Variants in CFHR4 observed in about 807,000 individuals in gnomAD.
CFHR4 encodes the protein complement factor H-related protein 4.
Under a neutral mutation model 69.3 loss-of-function variants are expected in CFHR4, and 64 were observed. The ratio of observed to expected loss-of-function variants is 0.92; its 90% CI spans 0.76 to 1.14. CFHR4 has a LOEUF of 1.14. Ranked by LOEUF, CFHR4 falls within the 50% of genes most tolerant of loss-of-function variation. The pLI, the probability that CFHR4 is intolerant of heterozygous loss-of-function variation, is 0.00. For synonymous variants in CFHR4, 244 were observed against 237.0 expected (o/e 1.03, Z -0.27); for missense variants, 636 against 684.9 (o/e 0.93, Z 0.80).
chr1:196,907,895 C>T (rs1034771637), intron 5 of CFHR4, among the ~76,000 whole-genome samples: 1 of 151,138 alleles, frequency 6.6e-6, no homozygotes, highest in Non-Finnish European at 1.5e-5. Flanking sequence ...GGATGTGGAA[C>T]CAACCCAAAT....
At chr1:196,900,532 T>C (rs888514192) in intron 1 of CFHR4, among the ~76,000 whole-genome samples, 5 of 151,268 alleles carry the variant, frequency 3.3e-5, no homozygotes, top group African/African-American at 4.9e-5. Context: ...CATCATGAGA[T>C]AGATAACTAT....
At position 196,910,494 on chromosome 1, in the gene CFHR4, TACA is replaced by T. The variant is rs753844236; in HGVS notation, c.997+21_997+23del. 4 of 1,593,956 alleles carry T rather than the reference TACA, an allele frequency of 2.5e-6. No homozygotes were observed. The highest frequency in any genetic ancestry group is 3.4e-6 in the Non-Finnish European group (4 of 1,163,866). On this transcript the variant is annotated intron_variant, in intron 6 of 9. Coordinates refer to ENST00000608469, the MANE Select transcript of CFHR4 (RefSeq NM_001201550.3). The stretch of plus-strand genomic sequence containing the variant: ...CCATGCCTCAGTAAGCAAACCTCTT[TACA>T]ACAATATGTGCATAAAACTTGCAAA...
rs1658119874 is a variant in CFHR4 at position 196,909,521 on chromosome 1, T to C, written c.800-760T>C. Among the ~76,000 whole-genome samples the C allele has an allele frequency of 2.6e-5, 4 of 151,676 alleles. No individual in the cohort carries two copies. The South Asian group carries it at 8.3e-4, about 31-fold the overall frequency. ...TGTATTGAAGAGATCTTAAAAATTT[T>C]TGGATTTCAAAAGTGATATGTACTA... On this transcript the variant is annotated intron_variant, in intron 5 of 9. Coordinates refer to ENST00000608469, the MANE Select transcript of CFHR4 (RefSeq NM_001201550.3).
chr1:196,888,327 C>A, intron 1 of CFHR4, 119 bp downstream of exon 1: 1 of 914,510 alleles, frequency 1.1e-6, no homozygotes, highest in South Asian at 1.6e-5. Flanking sequence ...ACTATGCTAG[C>A]AGAAGTAGCA....
At chr1:196,893,074 T>A (rs1657115677) in intron 1 of CFHR4, among the ~76,000 whole-genome samples, 1 of 151,706 alleles carries the variant, frequency 6.6e-6, no homozygotes, top group Non-Finnish European at 1.5e-5. Context: ...ACTGCGTGGT[T>A]CACCCACCAA....
At chr1:196,897,698 CTCTT>C (rs1159660156) in intron 1 of CFHR4, among the ~76,000 whole-genome samples, 1 of 151,450 alleles carries the variant, frequency 6.6e-6, no homozygotes, top group Non-Finnish European at 1.5e-5. Flanking sequence ...CTGCTCTTCT[CTCTT>C]TCTCTGCTGC....
intron 6 of CFHR4, among the ~76,000 whole-genome samples, chr1:196,911,874 G>A (rs1658286644): frequency 6.6e-6 from 1 of 151,512 alleles, no homozygotes; most frequent in African/African-American, 2.4e-5. Flanking sequence ...GAGGCTGGAG[G>A]AGATTAATAG....
rs1658787968 is a variant in CFHR4, at chr1:196,918,457, T to C, written c.*51T>C. ...GTCCAACTTCCACTTCTCACTCTTA[T>C]GGTCTCAAAGCTTGCAAAGATAGCT... On this transcript the variant is annotated 3_prime_UTR_variant, in exon 10 of 10. Coordinates refer to ENST00000608469, the MANE Select transcript of CFHR4 (RefSeq NM_001201550.3). The C allele has an allele frequency of 2.0e-6, 3 of 1,522,162 alleles. No individual in the cohort carries two copies. Among genetic ancestry groups the C allele is most frequent in the Non-Finnish European group, 2.7e-6 (3 of 1,099,210 alleles). The allele number at this position is 1,522,162 out of a possible 1,614,324, so 94.3% of individuals were successfully genotyped here. A position where few individuals can be genotyped will look rare whatever the true frequency, so the allele number is the denominator to read the frequency against.
rs1375370904 is a variant in CFHR4 at position 196,905,260 on chromosome 1, A to G, written c.409A>G (p.Asn137Asp). The G allele has an allele frequency of 1.2e-6, 2 of 1,611,488 alleles. No homozygotes were observed. Among genetic ancestry groups the G allele is most frequent in the South Asian group, 2.2e-5 (2 of 90,866 alleles). The change falls in exon 3 of 10, where the codon AAT (asparagine) becomes GAT (aspartate). Residue 137 changes from asparagine to aspartate, a missense_variant. This residue lies in a region of CFHR4 where 529 missense variants were observed against 533.2 expected (regional missense o/e 0.99). Coordinates refer to ENST00000608469, the MANE Select transcript of CFHR4 (RefSeq NM_001201550.3). Reference protein sequence around the residue: ...NSSGSITCLQNGWSTQPICIK... With the variant: ...NSSGSITCLQDGWSTQPICIK... ...TTCAGGATCAATTACATGTTTGCAA[A>G]ATGGATGGTCAACACAACCAATTTG... is the stretch of plus-strand genomic sequence containing the variant.
chr1:196,914,014 A>G (rs1416426900), intron 7 of CFHR4, among the ~76,000 whole-genome samples: 2 of 151,522 alleles, frequency 1.3e-5, no homozygotes, highest in African/African-American at 4.9e-5. Context: ...TAAAACTTGT[A>G]AAATAAAAGA....
At chr1:196,902,185 A>T (rs1018245624) in intron 1 of CFHR4, among the ~76,000 whole-genome samples, 3 of 151,454 alleles carry the variant, frequency 2.0e-5, no homozygotes, top group African/African-American at 7.3e-5. Flanking sequence ...CAGGGCTACG[A>T]TATATGTACT....
chr1:196,904,492 T>C (rs555437304), intron 2 of CFHR4, among the ~76,000 whole-genome samples: 24 of 151,672 alleles, frequency 1.6e-4, no homozygotes, highest in African/African-American at 5.8e-4. Context: ...TACCCATTAG[T>C]AATGTATAGA....
rs182624281 is a variant in CFHR4, at chr1:196,915,868, T to C, written c.1540+730T>C. The stretch of plus-strand genomic sequence containing the variant: ...CTGAGGTAGAGTTTTCAAACAGTTA[T>C]GAAAACACTGTTTCAAAAAACCACG... On this transcript the variant is annotated intron_variant, in intron 9 of 9. Coordinates refer to ENST00000608469, the MANE Select transcript of CFHR4 (RefSeq NM_001201550.3). Among the ~76,000 whole-genome samples the C allele has an allele frequency of 3.3e-3, 499 of 151,548 alleles. 17 individuals are homozygous for C. Among genetic ancestry groups the C allele is most frequent in the African/African-American group, 0.011 (465 of 41,172 alleles).
rs1656827803 is a variant in CFHR4, at chr1:196,888,180, C to T, written c.30C>T (p.Thr10=). 3.1e-6 allele frequency: 5 copies of T among 1,611,178 alleles called. No individual in the cohort carries two copies. In the South Asian group the frequency reaches 4.4e-5, roughly 14 times the overall value. The change falls in exon 1 of 10, where the codon ACC becomes ACT. Residue 10 remains threonine (T), a synonymous_variant. Transcript: ENST00000608469. ...TGTTACTAATCAATGTCATTCTGAC[C>T]TTGTGGGTTTCCTGTGCTAATGGAC... is the stretch of plus-strand genomic sequence containing the variant. MLLLINVIL[T]LWVSCANGQE... is the part of the protein sequence containing the mutation.
At chr1:196,914,097 C>G (rs558726345) in intron 7 of CFHR4, among the ~76,000 whole-genome samples, 1 of 151,450 alleles carries the variant, frequency 6.6e-6, no homozygotes, top group Non-Finnish European at 1.5e-5. Context: ...TACACCCTTA[C>G]TGTTAGTAAA....
chr1:196,902,335 T>C, intron 1 of CFHR4, 83 bp from the exon 2 acceptor site: 3 of 987,968 alleles, frequency 3.0e-6, no homozygotes, highest in Non-Finnish European at 4.5e-6. Context: ...GAAGAGAATA[T>C]AATTTATTGA....
In CFHR4 at chr1:196,918,269, A is replaced by G. The variant is rs1658773091; in HGVS notation, c.1600A>G (p.Ser534Gly). The stretch of plus-strand genomic sequence containing the variant: ...AAATAACATACAGTTAAAAGGAAAA[A>G]GTGACATAAAATATTATGCAAAAAC... ...NKNNIQLKGK[S>G]DIKYYAKTGD... Residue 534 changes from serine to glycine, a missense_variant, in exon 10 of 10, where the codon AGT becomes GGT. Transcript: ENST00000608469. 1 of 1,608,254 alleles carries G rather than the reference A, an allele frequency of 6.2e-7. No individual in the cohort carries two copies.
intron 9 of CFHR4, among the ~76,000 whole-genome samples, chr1:196,915,352 T>C (rs1425583023): frequency 6.6e-6 from 1 of 151,264 alleles, no homozygotes; most frequent in Non-Finnish European, 1.5e-5. Flanking sequence ...AAAACAGGAA[T>C]GTCGGCCTGG....
intron 1 of CFHR4, among the ~76,000 whole-genome samples, chr1:196,891,181 G>A (rs577530394): frequency 1.3e-5 from 2 of 151,582 alleles, no homozygotes; most frequent in South Asian, 4.2e-4. Flanking sequence ...GAACCCGGGA[G>A]GTGGAGGTTG....
Sources: gnomAD v4.1 joint callset for allele counts (sites outside exome capture counted in the v4.1 genomes callset) on GRCh38, gnomAD v4.1.1 for gene constraint, gnomAD v4.1.1 regional missense constraint, MANE v1.5 for transcripts, NCBI Gene and HGNC (gene_info 2026-07-23, HGNC 2026-07-21) for gene names.